NGLY1: variants seen among roughly 807,000 people sequenced by gnomAD.
The protein encoded by NGLY1 is N-glycanase 1.
In NGLY1, 68 loss-of-function variants were observed where a neutral mutation model predicts 84.6. That is an observed-to-expected ratio of 0.80 (90% CI 0.66 to 0.98). NGLY1 has a LOEUF of 0.98. Among genes scored for constraint, NGLY1 ranks in the 50% least tolerant of loss-of-function variants. NGLY1 has a pLI of 0.00. For missense variants in NGLY1, 779 were observed against 770.2 expected (o/e 1.01, Z -0.14); for synonymous variants, 280 against 275.2 (o/e 1.02, Z -0.17).
intron 10 of NGLY1, among the ~76,000 whole-genome samples, chr3:25,727,705 A>G (rs1194149710): frequency 2.0e-5 from 3 of 152,222 alleles, no homozygotes; most frequent in Non-Finnish European, 2.9e-5. Context: ...ACAACAGTAC[A>G]AGTTTGCTGA....
intron 4 of NGLY1, chr3:25,749,661 T>A (rs1254397475): frequency 4.7e-6 from 7 of 1,498,260 alleles, no homozygotes; most frequent in Non-Finnish European, 6.4e-6. Context: ...ATGCCCAACA[T>A]TAGTTATGGG....
At chr3:25,778,401 A>C in intron 2 of NGLY1, 173 bp downstream of exon 2, 1 of 437,268 alleles carries the variant, frequency 2.3e-6, no homozygotes, top group South Asian at 5.4e-5. Context: ...CTGAAATTTT[A>C]AACTATACTT....
Position 25,778,784 on chromosome 3 carries a change from T to C in NGLY1, c.132-96A>G, listed in dbSNP as rs1002481172. 6.1e-5 allele frequency: 34 copies of C among 556,404 alleles called. No individual in the cohort carries two copies. In the African/African-American group the frequency reaches 6.4e-4, roughly 10 times the overall value. 34.5% of individuals were successfully genotyped at this position (556,404 alleles called of 1,614,324 possible). A position where few individuals can be genotyped will look rare whatever the true frequency, so the allele number is the denominator to read the frequency against. On this transcript the variant is annotated intron_variant, in intron 1 of 11. Transcript: ENST00000280700. ...AACAAACATGACCTAGGTATACCTT[T>C]ATAGTCACCTGATTTTCTTTCTTCC... is the stretch of plus-strand genomic sequence containing the variant.
intron 4 of NGLY1, among the ~76,000 whole-genome samples, chr3:25,743,780 A>G (rs910883614): frequency 1.3e-5 from 2 of 152,226 alleles, no homozygotes; most frequent in Non-Finnish European, 2.9e-5. Context: ...AAAGGAAAGG[A>G]AAACAGAGTA....
chr3:25,738,838 G>A (rs994484732), intron 5 of NGLY1, among the ~76,000 whole-genome samples: 1 of 152,024 alleles, frequency 6.6e-6, no homozygotes, highest in African/African-American at 2.4e-5. Context: ...TTTTTAAAAC[G>A]TGGTATCTTT....
intron 3 of NGLY1, among the ~76,000 whole-genome samples, chr3:25,758,537 C>A (rs948800923): frequency 6.6e-6 from 1 of 152,146 alleles, no homozygotes; most frequent in Non-Finnish European, 1.5e-5. Flanking sequence ...GTGATCATGC[C>A]ACTGCGTTCC....
intron 2 of NGLY1, among the ~76,000 whole-genome samples, chr3:25,766,120 C>A (rs1337388733): frequency 2.6e-5 from 4 of 151,538 alleles, no homozygotes; most frequent in Non-Finnish European, 1.5e-5. Context: ...GTCTGGAGTG[C>A]AGTGGTGTGA....
At chr3:25,729,366 A>G (rs1209635315) in intron 9 of NGLY1, 48 bp from the exon 10 acceptor site, 5 of 1,185,728 alleles carry the variant, frequency 4.2e-6, no homozygotes, top group Non-Finnish European at 5.5e-6. Flanking sequence ...AAAGATGTAA[A>G]AAAGAAAAAA....
Position 25,764,175 on chromosome 3 carries a change from G to C in NGLY1, c.383C>G (p.Pro128Arg). ...TGTAGGAAGCTGGGTACTGGCTGCAGGTTGCTGAGATGACTTTACTTTGTG... is the reference window on the plus strand; with the variant it reads ...TGTAGGAAGCTGGGTACTGGCTGCACGTTGCTGAGATGACTTTACTTTGTG... ...KSHKVKSSQQ[P>R]AASTQLPTTP... The change falls in exon 3 of 12, where the codon CCT becomes CGT. Residue 128 changes from proline (P) to arginine (R), a missense_variant. Physicochemically the swap from Pro to Arg is moderately radical, Grantham distance 103. Coordinates refer to ENST00000280700, the MANE Select transcript of NGLY1 (RefSeq NM_018297.4). The C allele has an allele frequency of 6.2e-7, 1 of 1,614,170 alleles. No individual in the cohort carries two copies. Among genetic ancestry groups the C allele is most frequent in the South Asian group, 1.1e-5 (1 of 91,086 alleles).
chr3:25,755,051 G>C, intron 3 of NGLY1: 6 of 1,304,576 alleles, frequency 4.6e-6, no homozygotes, highest in Non-Finnish European at 6.7e-6. Context: ...TTTGGAATTT[G>C]CTTTCCGAAA....
At chr3:25,756,364 C>T (rs1326331027) in intron 3 of NGLY1, among the ~76,000 whole-genome samples, 1 of 152,102 alleles carries the variant, frequency 6.6e-6, no homozygotes, top group Admixed American at 6.6e-5. Flanking sequence ...CTCTATATGC[C>T]TAATGTTTTG....
intron 2 of NGLY1, among the ~76,000 whole-genome samples, chr3:25,773,992 T>C (rs959896509): frequency 2.6e-5 from 4 of 152,228 alleles, no homozygotes; most frequent in African/African-American, 9.6e-5. Flanking sequence ...CAGCCATAGA[T>C]ACCAGTACCT....
chr3:25,766,036 A>G (rs985697024), intron 2 of NGLY1, among the ~76,000 whole-genome samples: 2 of 151,560 alleles, frequency 1.3e-5, no homozygotes, highest in Non-Finnish European at 2.9e-5. Context: ...CAAGTAATAC[A>G]ACTACCCTGA....
At chr3:25,768,422 TA>T (rs71087723) in intron 2 of NGLY1, among the ~76,000 whole-genome samples, 98,323 of 134,412 alleles carry the variant, frequency 0.73, 37,043 homozygotes, top group East Asian at 0.93. Flanking sequence ...AAACTCCATC[TA>T]AAAAAAAAAA....
intron 1 of NGLY1, among the ~76,000 whole-genome samples, chr3:25,779,567 C>T (rs1708316292): frequency 6.6e-6 from 1 of 151,808 alleles, no homozygotes; most frequent in Non-Finnish European, 1.5e-5. Flanking sequence ...ATCTGGGATC[C>T]ATAGGAAGAT....
intron 2 of NGLY1, among the ~76,000 whole-genome samples, chr3:25,765,596 A>G (rs184505352): frequency 4.7e-4 from 71 of 152,316 alleles, no homozygotes; most frequent in African/African-American, 1.6e-3. Flanking sequence ...TGAACAAGAC[A>G]TTACTCAATG....
chr3:25,721,549 C>T (rs568046343), intron 10 of NGLY1, among the ~76,000 whole-genome samples: 2 of 150,476 alleles, frequency 1.3e-5, no homozygotes, highest in South Asian at 2.1e-4. Flanking sequence ...GTCAGGAGAT[C>T]GAAACCATCC....
intron 3 of NGLY1, among the ~76,000 whole-genome samples, chr3:25,757,482 T>C (rs577660661): frequency 1.3e-5 from 2 of 152,328 alleles, no homozygotes; most frequent in African/African-American, 2.4e-5. Context: ...TAATACTATA[T>C]GACTGTAAGG....
intron 2 of NGLY1, among the ~76,000 whole-genome samples, chr3:25,771,835 G>A (rs892495059): frequency 4.6e-5 from 7 of 152,186 alleles, no homozygotes; most frequent in South Asian, 2.1e-4. Context: ...CAGCTTGGTC[G>A]CTGTTGGTGT....
Sources: gnomAD v4.1 joint callset for allele counts (sites outside exome capture counted in the v4.1 genomes callset) on GRCh38, gnomAD v4.1.1 for gene constraint, MANE v1.5 for transcripts, NCBI Gene and HGNC (gene_info 2026-07-23, HGNC 2026-07-21) for gene names.